The following EYS variants were observed in gnomAD, a reference collection of about 807,000 sequenced individuals.
The protein encoded by EYS is EGF-like photoreceptor maintenance factor, also known as protein eyes shut homolog.
In EYS, 250 loss-of-function variants were observed where a neutral mutation model predicts 282.1. The ratio of observed to expected loss-of-function variants is 0.89; its 90% CI spans 0.80 to 0.98. The LOEUF is 0.98. Among genes scored for constraint, EYS ranks in the 50% least tolerant of loss-of-function variants. The probability of loss-of-function intolerance (pLI) is 0.00; values close to 1 mark genes in which losing one functional copy is unlikely to be tolerated. For missense variants in EYS, 4,016 were observed against 3,709.0 expected (o/e 1.08, Z -2.15); for synonymous variants, 1,355 against 1,282.9 (o/e 1.06, Z -1.20).
At position 65,341,497 on chromosome 6, in the gene EYS, T is replaced by C. The variant is rs144174062; in HGVS notation, c.1599+2541A>G. 7.3e-5 allele frequency among the ~76,000 whole-genome samples: 11 copies of C among 151,330 alleles called. No individual in the cohort carries two copies. In the East Asian group the frequency reaches 1.8e-3, roughly 24 times the overall value. On this transcript the variant is annotated intron_variant, in intron 10 of 42. Coordinates refer to ENST00000503581, the MANE Select transcript of EYS (RefSeq NM_001142800.2). ...AAGATTATTTATTTGACAGATCTAA[T>C]AGAACAAAAAGGGAAAAATCCTCAT...
intron 35 of EYS, among the ~76,000 whole-genome samples, chr6:63,952,368 A>G (rs1765633096): frequency 6.6e-6 from 1 of 152,226 alleles, no homozygotes. Context: ...ATGCTGCCCA[A>G]TTGCCTCAGA....
chr6:64,468,810 C>G (rs1411149020), intron 26 of EYS, among the ~76,000 whole-genome samples: 1 of 152,158 alleles, frequency 6.6e-6, no homozygotes, highest in Non-Finnish European at 1.5e-5. Context: ...CCAATTTCAT[C>G]TTTGTTGCTG....
In EYS at chr6:65,443,729, CGT is replaced by C. The variant is rs1768535332; in HGVS notation, c.863-38364_863-38363del. Among the ~76,000 whole-genome samples the C allele has an allele frequency of 1.3e-4, 7 of 53,670 alleles. No homozygotes were observed. The South Asian group carries it at 5.0e-3, about 39-fold the overall frequency. 35.2% of individuals were successfully genotyped at this position (53,670 alleles called of 152,430 possible). The stretch of plus-strand genomic sequence containing the variant: ...GTGCATATACACATATATACACATA[CGT>C]GCATATACACATATATACACATACG... On this transcript the variant is annotated intron_variant, in intron 5 of 42. Coordinates refer to ENST00000503581, the MANE Select transcript of EYS (RefSeq NM_001142800.2).
intron 28 of EYS, among the ~76,000 whole-genome samples, chr6:64,411,446 C>CA (rs1308494706): frequency 2.0e-5 from 3 of 151,888 alleles, no homozygotes; most frequent in East Asian, 1.9e-4. Flanking sequence ...AAATGGAATC[C>CA]AAAAAATCAG....
At chr6:65,572,545 G>A (rs1764515006) in intron 2 of EYS, among the ~76,000 whole-genome samples, 1 of 151,938 alleles carries the variant, frequency 6.6e-6, no homozygotes, top group Admixed American at 6.6e-5. Context: ...TCATATGCAG[G>A]GGAAATGAAA....
intron 26 of EYS, among the ~76,000 whole-genome samples, chr6:64,551,135 T>A: frequency 6.7e-6 from 1 of 150,250 alleles, no homozygotes; most frequent in South Asian, 2.1e-4. Context: ...CACACACATA[T>A]ATACACATAT....
intron 31 of EYS, among the ~76,000 whole-genome samples, chr6:64,146,715 C>A (rs1774529999): frequency 6.6e-6 from 1 of 152,102 alleles, no homozygotes; most frequent in African/African-American, 2.4e-5. Flanking sequence ...TCCCTCCACT[C>A]CAGCTAAGCT....
At chr6:65,453,711 C>A (rs1271611196) in intron 5 of EYS, among the ~76,000 whole-genome samples, 1 of 151,982 alleles carries the variant, frequency 6.6e-6, no homozygotes, top group African/African-American at 2.4e-5. Flanking sequence ...AACCATTGTT[C>A]TACTCTAAGC....
intron 13 of EYS, among the ~76,000 whole-genome samples, chr6:65,023,157 T>C (rs764472526): frequency 1.3e-5 from 2 of 152,168 alleles, no homozygotes; most frequent in Non-Finnish European, 2.9e-5. Context: ...TTTTATGAAT[T>C]ATATCTCAAC....
At chr6:65,232,985 T>C (rs1473708232) in intron 12 of EYS, among the ~76,000 whole-genome samples, 1 of 152,180 alleles carries the variant, frequency 6.6e-6, no homozygotes, top group Non-Finnish European at 1.5e-5. Flanking sequence ...CTCCTGTGAA[T>C]TTTTCATTTC....
At chr6:64,272,549 T>C (rs1483336051) in intron 30 of EYS, among the ~76,000 whole-genome samples, 1 of 152,182 alleles carries the variant, frequency 6.6e-6, no homozygotes, top group Non-Finnish European at 1.5e-5. Flanking sequence ...TTTGGCTGGA[T>C]ATGTAATTCT....
chr6:64,469,108 C>T (rs1776026418), intron 26 of EYS, among the ~76,000 whole-genome samples: 1 of 152,164 alleles, frequency 6.6e-6, no homozygotes, highest in Non-Finnish European at 1.5e-5. Flanking sequence ...TTTACATTCT[C>T]AACAGCAGTG....
In EYS at chr6:64,712,983, CACT is replaced by C. The variant is rs376091083; in HGVS notation, c.3444-86741_3444-86739del. 5.3e-5 allele frequency among the ~76,000 whole-genome samples: 8 copies of C among 152,240 alleles called. No individual in the cohort carries two copies. In the East Asian group the frequency reaches 1.5e-3, roughly 29 times the overall value. ...TGCATTCTAAAATCATCCGCAACAC[CACT>C]GACACAGTCAAAATATTCATAAACC... On this transcript the variant is annotated intron_variant, in intron 22 of 42. Transcript: ENST00000503581.
rs372100964 is a variant in EYS at position 64,093,563 on chromosome 6, G to C, written c.6425-11561C>G. Among the ~76,000 whole-genome samples the C allele has an allele frequency of 2.0e-5, 3 of 152,084 alleles. No homozygotes were observed. In the South Asian group the frequency reaches 6.2e-4, roughly 32 times the overall value. ...TGATTTGGCTCTCTGTTTGTCTGTT[G>C]TTGGTGTATAAGAATGCTTGTGATT... On this transcript the variant is annotated intron_variant, in intron 31 of 42. Coordinates refer to ENST00000503581, the MANE Select transcript of EYS (RefSeq NM_001142800.2).
At chr6:64,452,384 C>T (rs1368784423) in intron 26 of EYS, among the ~76,000 whole-genome samples, 1 of 152,130 alleles carries the variant, frequency 6.6e-6, no homozygotes, top group African/African-American at 2.4e-5. Flanking sequence ...GAAGAACATT[C>T]CATGCTCATG....
intron 15 of EYS, among the ~76,000 whole-genome samples, chr6:64,936,600 A>G (rs1352474327): frequency 1.3e-5 from 2 of 151,544 alleles, no homozygotes; most frequent in African/African-American, 4.8e-5. Context: ...CATCATCAAT[A>G]TACAAAAATC....
At chr6:63,756,443 T>C (rs553335863) in intron 41 of EYS, among the ~76,000 whole-genome samples, 1 of 152,228 alleles carries the variant, frequency 6.6e-6, no homozygotes, top group Non-Finnish European at 1.5e-5. Flanking sequence ...GATTTGCATA[T>C]GTTGAACCAG....
chr6:63,771,481 T>C (rs1020325568), intron 40 of EYS, among the ~76,000 whole-genome samples: 2 of 152,174 alleles, frequency 1.3e-5, no homozygotes, highest in African/African-American at 4.8e-5. Context: ...GTAAATGGCT[T>C]TGTTAATTTG....
chr6:65,584,378 C>G (rs1290210775), intron 2 of EYS, among the ~76,000 whole-genome samples: 1 of 151,930 alleles, frequency 6.6e-6, no homozygotes, highest in Non-Finnish European at 1.5e-5. Flanking sequence ...ATTATCCAAT[C>G]CAAAAGAGTA....
Sources: gnomAD v4.1 joint callset for allele counts (sites outside exome capture counted in the v4.1 genomes callset) on GRCh38, gnomAD v4.1.1 for gene constraint, MANE v1.5 for transcripts, NCBI Gene and HGNC (gene_info 2026-07-23, HGNC 2026-07-21) for gene names.